ACTN4: variants seen among roughly 807,000 people sequenced by gnomAD.
The protein encoded by ACTN4 is alpha-actinin-4.
A neutral mutation model predicts 114.2 loss-of-function variants in ACTN4; 18 were observed. The observed-to-expected ratio is 0.16, with a 90% CI of 0.11 to 0.23. The LOEUF (loss-of-function observed/expected upper bound fraction) is 0.23. Among genes scored for constraint, ACTN4 ranks in the 10% least tolerant of loss-of-function variants. The probability of loss-of-function intolerance (pLI) is 1.00; values close to 1 mark genes in which losing one functional copy is unlikely to be tolerated. For missense variants in ACTN4, 722 were observed against 1,262.9 expected (o/e 0.57, Z 6.49); for synonymous variants, 515 against 506.3 (o/e 1.02, Z -0.23).
At position 38,647,884 on chromosome 19, in the gene ACTN4, G is replaced by T; in HGVS notation, c.139G>T (p.Ala47Ser). 1 of 1,523,792 alleles carries T rather than the reference G, an allele frequency of 6.6e-7. No individual in the cohort carries two copies. Among genetic ancestry groups the T allele is most frequent in the East Asian group, 2.7e-5 (1 of 37,676 alleles). 94.4% of individuals were successfully genotyped at this position (1,523,792 alleles called of 1,614,324 possible). A position where few individuals can be genotyped will look rare whatever the true frequency, so the allele number is the denominator to read the frequency against. The change falls in exon 1 of 21, where the codon GCC becomes TCC. Residue 47 changes from alanine (A) to serine (S), a missense_variant. This residue lies in a region of ACTN4 where 72 missense variants were observed against 75.6 expected (regional missense o/e 0.95). Coordinates refer to ENST00000252699, the MANE Select transcript of ACTN4 (RefSeq NM_004924.6). The stretch of plus-strand genomic sequence containing the variant: ...GGACCGGGACCTGCTGCTGGACCCG[G>T]CCTGGGAGAAGCAGCAGCGCAAGGT... ...DWDRDLLLDPAWEKQQRKTFT... is the reference protein window; with the variant it reads ...DWDRDLLLDPSWEKQQRKTFT...
chr19:38,685,415 C>T (rs1967711050), intron 1 of ACTN4, among the ~76,000 whole-genome samples: 1 of 152,310 alleles, frequency 6.6e-6, no homozygotes, highest in South Asian at 2.1e-4. Context: ...CCCAGATGGA[C>T]TCAGGGATTC....
At position 38,649,922 on chromosome 19, in the gene ACTN4, G is replaced by C. The variant is rs537060993; in HGVS notation, c.162+2015G>C. The stretch of plus-strand genomic sequence containing the variant: ...GCATGGCAGTGGCTTGGTGGGAGGG[G>C]TGTCCTTATCCGTGGCCCCACCTAC... On this transcript the variant is annotated intron_variant, in intron 1 of 20. Coordinates refer to ENST00000252699, the MANE Select transcript of ACTN4 (RefSeq NM_004924.6). 4.6e-5 allele frequency among the ~76,000 whole-genome samples: 7 copies of C among 152,300 alleles called. No individual in the cohort carries two copies. In the East Asian group the frequency reaches 1.4e-3, roughly 29 times the overall value.
At chr19:38,706,732 A>T (rs1968471999) in intron 5 of ACTN4, among the ~76,000 whole-genome samples, 1 of 152,158 alleles carries the variant, frequency 6.6e-6, no homozygotes, top group Admixed American at 6.5e-5. Context: ...CTCTTCCTTT[A>T]TTTTGACAGC....
At chr19:38,729,231 G>T in intron 20 of ACTN4, 43 bp from the exon 21 acceptor site, 3 of 1,612,410 alleles carry the variant, frequency 1.9e-6, no homozygotes, top group Non-Finnish European at 2.5e-6. Context: ...GGGGGCCAGT[G>T]TGTGGGTGGG....
At chr19:38,673,598 CAT>C (rs1191588370) in intron 1 of ACTN4, among the ~76,000 whole-genome samples, 1 of 50,040 alleles carries the variant, frequency 2.0e-5, no homozygotes, top group African/African-American at 5.8e-5. Flanking sequence ...TATATATATT[CAT>C]ATATATTCAT....
intron 8 of ACTN4, among the ~76,000 whole-genome samples, chr19:38,713,075 C>A (rs1401017189): frequency 6.6e-6 from 1 of 152,136 alleles, no homozygotes; most frequent in African/African-American, 2.4e-5. Flanking sequence ...GCCTCGTTTC[C>A]CCAGAGACCC....
At chr19:38,675,682 G>A (rs1967351168) in intron 1 of ACTN4, among the ~76,000 whole-genome samples, 1 of 152,242 alleles carries the variant, frequency 6.6e-6, no homozygotes, top group Non-Finnish European at 1.5e-5. Context: ...TTTGGCTGGT[G>A]AGGTGCTGAG....
intron 1 of ACTN4, among the ~76,000 whole-genome samples, chr19:38,666,099 C>T (rs1966949776): frequency 1.3e-5 from 2 of 152,132 alleles, no homozygotes; most frequent in African/African-American, 4.8e-5. Flanking sequence ...GAGCCCTGCC[C>T]CTTCCAGGCC....
chr19:38,705,151 A>G (rs1968414873), intron 4 of ACTN4, 131 bp downstream of exon 4: 3 of 870,142 alleles, frequency 3.4e-6, no homozygotes, highest in South Asian at 2.8e-5. Flanking sequence ...TGGCCCTTGC[A>G]GGGGTAGTCA....
At chr19:38,703,236 ATTTT>A (rs34017553) in intron 3 of ACTN4, among the ~76,000 whole-genome samples, 3 of 132,616 alleles carry the variant, frequency 2.3e-5, no homozygotes, top group Non-Finnish European at 3.2e-5. Flanking sequence ...AGTTTCAGCA[ATTTT>A]TTTTTTTTTT....
intron 1 of ACTN4, among the ~76,000 whole-genome samples, chr19:38,652,508 G>A (rs1976594744): frequency 6.6e-6 from 1 of 152,070 alleles, no homozygotes. Flanking sequence ...AACAATCCAG[G>A]GTGTGGGCCC....
Position 38,727,005 on chromosome 19 carries a change from A to G in ACTN4, c.2239A>G (p.Ile747Val). The G allele has an allele frequency of 2.5e-6, 4 of 1,614,082 alleles. No homozygotes were observed. In the South Asian group the frequency reaches 4.4e-5, roughly 18 times the overall value. The change falls in exon 18 of 21, where the codon ATC (isoleucine) becomes GTC (valine). Residue 747 changes from isoleucine (I) to valine (V), a missense_variant. Coordinates refer to ENST00000252699, the MANE Select transcript of ACTN4 (RefSeq NM_004924.6). The surrounding 1 kb of genome is among the most constrained non-coding windows in gnomAD (Gnocchi z 5.4). Reference sequence around the variant, plus strand: ...GCTGCTCACCACCATTGCCCGCACCATCAACGAGGTGGAGAACCAGATCCT... The same window carrying G: ...GCTGCTCACCACCATTGCCCGCACCGTCAACGAGGTGGAGAACCAGATCCT... ...EQLLTTIART[I>V]NEVENQILTR... is the part of the protein sequence containing the mutation.
rs531061091 is a variant in ACTN4 at position 38,725,271 on chromosome 19, G to T, written c.2011-453G>T. 2.6e-5 allele frequency among the ~76,000 whole-genome samples: 4 copies of T among 152,300 alleles called. No homozygotes were observed. The East Asian group carries it at 5.8e-4, about 22-fold the overall frequency. On this transcript the variant is annotated intron_variant, in intron 16 of 20. Transcript: ENST00000252699. ...GGGTGCCAGGCAGGTCAGCCCTGAG[G>T]TTCATGCCAGCCACGCAGCATGTGG...
Position 38,725,939 on chromosome 19 carries a change from G to A in ACTN4, c.2190+36G>A, listed in dbSNP as rs373804235. 1.1e-5 allele frequency: 17 copies of A among 1,611,512 alleles called. No individual in the cohort carries two copies. The African/African-American group carries it at 1.6e-4, about 15-fold the overall frequency. On this transcript the variant is annotated intron_variant, in intron 17 of 20. Coordinates refer to ENST00000252699, the MANE Select transcript of ACTN4 (RefSeq NM_004924.6). ...GCCCCGCCCGCTGGCCTTTCCACCA[G>A]CATGGCCGGCTTCCTCACTGGAAAT...
chr19:38,698,896 G>A (rs978063446), intron 1 of ACTN4, among the ~76,000 whole-genome samples: 2 of 152,216 alleles, frequency 1.3e-5, no homozygotes, highest in African/African-American at 4.8e-5. Flanking sequence ...AATGAGCAGG[G>A]CTGGCGACAG....
chr19:38,706,027 CTT>C lies in ACTN4; in HGVS notation c.485-15_485-14del. On this transcript the variant is annotated splice_polypyrimidine_tract_variant and intron_variant, in intron 4 of 20. Coordinates refer to ENST00000252699, the MANE Select transcript of ACTN4 (RefSeq NM_004924.6). ...TTATTTTTGAGCCAGTGCTCACTGTCTTTGTGTGTTTTGCAGAGACCTCGGCC... is the reference window on the plus strand; with the variant it reads ...TTATTTTTGAGCCAGTGCTCACTGTCTGTGTGTTTTGCAGAGACCTCGGCC... The C allele has an allele frequency of 6.2e-7, 1 of 1,613,656 alleles. No individual in the cohort carries two copies. The highest frequency in any genetic ancestry group is 8.5e-7 in the Non-Finnish European group (1 of 1,179,588).
At position 38,724,412 on chromosome 19, in the gene ACTN4, A is replaced by G. The variant is rs1231750696; in HGVS notation, c.1876-19A>G. ...GGGCCACCTCCCTGACCGCTCCCACACCGCGTCTCCTCTGCCAGGTGCAGC... is the reference window on the plus strand; with the variant it reads ...GGGCCACCTCCCTGACCGCTCCCACGCCGCGTCTCCTCTGCCAGGTGCAGC... On this transcript the variant is annotated intron_variant, in intron 15 of 20. Transcript: ENST00000252699. The surrounding 1 kb of genome is among the most constrained non-coding windows in gnomAD (Gnocchi z 7.0). 1.9e-6 allele frequency: 3 copies of G among 1,612,566 alleles called. No homozygotes were observed. Among genetic ancestry groups the G allele is most frequent in the African/African-American group, 1.3e-5 (1 of 74,898 alleles).
Position 38,730,670 on chromosome 19 carries a change from C to T in ACTN4, c.*1238C>T. On this transcript the variant is annotated 3_prime_UTR_variant, in exon 21 of 21. Transcript: ENST00000252699. ...CTGCTCGAGAAGGGCTGTCGCTGTT[C>T]TTGTTTCTGAGTGAGGAGTACGCAG... 1 of 683,920 alleles carries T rather than the reference C, an allele frequency of 1.5e-6. No homozygotes were observed. The allele number at this position is 683,920 out of a possible 1,614,324, so 42.4% of individuals were successfully genotyped here. A position where few individuals can be genotyped will look rare whatever the true frequency, so the allele number is the denominator to read the frequency against.
intron 1 of ACTN4, among the ~76,000 whole-genome samples, chr19:38,666,936 G>A (rs2048629527): frequency 6.6e-6 from 1 of 152,092 alleles, no homozygotes; most frequent in Admixed American, 6.6e-5. Flanking sequence ...GAATGCTTGG[G>A]GGAGGGGGTG....
Sources: gnomAD v4.1 joint callset for allele counts (sites outside exome capture counted in the v4.1 genomes callset) on GRCh38, gnomAD v4.1.1 for gene constraint, gnomAD v4.1.1 regional missense constraint, Gnocchi (gnomAD v3.1) non-coding constraint, MANE v1.5 for transcripts, NCBI Gene and HGNC (gene_info 2026-07-23, HGNC 2026-07-21) for gene names.